Variants in UTRN observed in about 807,000 individuals in gnomAD.
The protein encoded by UTRN is dystrophin-related protein 1.
UTRN carries 283 observed loss-of-function variants against 463.9 expected under a neutral mutation model. That is an observed-to-expected ratio of 0.61 (90% confidence interval 0.55 to 0.67). The LOEUF (loss-of-function observed/expected upper bound fraction) is 0.67. UTRN is among the 30% of genes least tolerant of loss of function. The probability of loss-of-function intolerance (pLI) is 0.00; values close to 1 mark genes in which losing one functional copy is unlikely to be tolerated. For synonymous variants in UTRN, 1,442 were observed against 1,431.5 expected (o/e 1.01, Z -0.17); for missense variants, 3,922 against 4,084.3 (o/e 0.96, Z 1.08).
chr6:144,755,920 T>C (rs1356889770), intron 57 of UTRN, among the ~76,000 whole-genome samples: 1 of 152,102 alleles, frequency 6.6e-6, no homozygotes, highest in Non-Finnish European at 1.5e-5. Flanking sequence ...AGAATCTTAA[T>C]CAGTCATTTT....
At chr6:144,513,071 A>T (rs1386012038) in intron 35 of UTRN, among the ~76,000 whole-genome samples, 1 of 152,074 alleles carries the variant, frequency 6.6e-6, no homozygotes, top group African/African-American at 2.4e-5. Flanking sequence ...CTGTTTTCAA[A>T]TCTGTTCTGT....
chr6:144,345,891 G>A (rs1342201689), intron 2 of UTRN, among the ~76,000 whole-genome samples: 2 of 152,086 alleles, frequency 1.3e-5, no homozygotes, highest in African/African-American at 4.8e-5. Context: ...TAATAAGCAG[G>A]CTTTGGCCGG....
chr6:144,379,233 C>T (rs1201717834), intron 2 of UTRN, among the ~76,000 whole-genome samples: 1 of 25,968 alleles, frequency 3.9e-5, no homozygotes, highest in Admixed American at 4.0e-4. Flanking sequence ...GTCACCCCAA[C>T]ATTGGTGCTT....
At chr6:144,575,571 G>C (rs1436892630) in intron 50 of UTRN, among the ~76,000 whole-genome samples, 1 of 152,122 alleles carries the variant, frequency 6.6e-6, no homozygotes, top group African/African-American at 2.4e-5. Context: ...GAAAGAGAGA[G>C]ATCACATTGA....
chr6:144,402,909 G>A (rs1368839725), intron 2 of UTRN, among the ~76,000 whole-genome samples: 4 of 152,108 alleles, frequency 2.6e-5, no homozygotes, highest in African/African-American at 9.7e-5. Context: ...CTTGGGAAAG[G>A]TGCCCGAGCC....
chr6:144,339,652 A>C (rs575889609), intron 2 of UTRN, among the ~76,000 whole-genome samples: 53 of 152,204 alleles, frequency 3.5e-4, no homozygotes, highest in Non-Finnish European at 6.3e-4. Context: ...ATCAGGGAAC[A>C]GTATCATTCA....
intron 51 of UTRN, among the ~76,000 whole-genome samples, chr6:144,591,997 G>A (rs1194277950): frequency 2.0e-5 from 3 of 152,156 alleles, no homozygotes; most frequent in Non-Finnish European, 4.4e-5. Flanking sequence ...CTGGCATCCT[G>A]CAGGCTAGGG....
At chr6:144,544,801 G>C (rs757366240) in intron 46 of UTRN, among the ~76,000 whole-genome samples, 2 of 151,940 alleles carry the variant, frequency 1.3e-5, no homozygotes, top group African/African-American at 4.8e-5. Context: ...TCAGTGAAAG[G>C]GTTATTATCT....
chr6:144,680,498 T>C (rs1299760499), intron 52 of UTRN, among the ~76,000 whole-genome samples: 1 of 152,202 alleles, frequency 6.6e-6, no homozygotes, highest in African/African-American at 2.4e-5. Context: ...TAAATTAATG[T>C]GATAATGAAT....
At chr6:144,436,228 A>G (rs1438183298) in intron 10 of UTRN, 90 bp downstream of exon 10, 1 of 1,308,958 alleles carries the variant, frequency 7.6e-7, no homozygotes, top group African/African-American at 1.5e-5. Flanking sequence ...TTATCTACTG[A>G]ATTCTGTTCT....
intron 14 of UTRN, among the ~76,000 whole-genome samples, chr6:144,445,603 A>G (rs1787609544): frequency 6.6e-6 from 1 of 150,694 alleles, no homozygotes. Context: ...CTTATTAGGA[A>G]TCACAAAAGG....
rs150705894 is a variant in UTRN at position 144,499,789 on chromosome 6, C to T, written c.4764+362C>T. Among the ~76,000 whole-genome samples the T allele has an allele frequency of 4.1e-3, 623 of 152,094 alleles. 4 individuals are homozygous for T. Among genetic ancestry groups the T allele is most frequent in the Non-Finnish European group, 6.7e-3 (454 of 67,986 alleles). On this transcript the variant is annotated intron_variant, in intron 34 of 74. Coordinates refer to ENST00000367545, the MANE Select transcript of UTRN (RefSeq NM_007124.3). ...TCTGTTTCTCGCCCCTCTACTAGTC[C>T]CCAGTGTTTATCGTTCCCTTCTTTA... is the stretch of plus-strand genomic sequence containing the variant.
chr6:144,461,194 C>A lies in UTRN; in HGVS notation c.2708-3C>A. On this transcript the variant is annotated splice_region_variant and splice_polypyrimidine_tract_variant and intron_variant, in intron 21 of 74. Coordinates refer to ENST00000367545, the MANE Select transcript of UTRN (RefSeq NM_007124.3). ...TTCAAACTAAATATTTTTAAATAAACAGAACTGAAGGGCCAACCTGGACAT... is the reference window on the plus strand; with the variant it reads ...TTCAAACTAAATATTTTTAAATAAAAAGAACTGAAGGGCCAACCTGGACAT... 1 of 1,558,888 alleles carries A rather than the reference C, an allele frequency of 6.4e-7. No homozygotes were observed. Among genetic ancestry groups the A allele is most frequent in the South Asian group, 1.2e-5 (1 of 81,118 alleles).
chr6:144,754,848 T>G (rs768156646), intron 57 of UTRN, 50 bp downstream of exon 57: 2 of 1,543,384 alleles, frequency 1.3e-6, no homozygotes, highest in Non-Finnish European at 1.8e-6. Context: ...GAATTAGCAT[T>G]TTCTTTCACT....
chr6:144,588,181 A>G (rs1802660740), intron 51 of UTRN, among the ~76,000 whole-genome samples: 1 of 152,160 alleles, frequency 6.6e-6, no homozygotes, highest in Non-Finnish European at 1.5e-5. Flanking sequence ...CCTGCCTGCC[A>G]CTATCAGACA....
intron 26 of UTRN, among the ~76,000 whole-genome samples, chr6:144,480,913 G>A (rs1047218719): frequency 3.9e-5 from 6 of 152,102 alleles, no homozygotes; most frequent in Non-Finnish European, 8.8e-5. Flanking sequence ...AGACTTGTTG[G>A]AAGTTGTTTT....
intron 33 of UTRN, among the ~76,000 whole-genome samples, chr6:144,498,267 T>C (rs1034477537): frequency 1.3e-5 from 2 of 152,258 alleles, no homozygotes; most frequent in African/African-American, 4.8e-5. Context: ...TCTTTAAGTT[T>C]CATTTTCATT....
At chr6:144,453,413 A>G (rs1426023677) in intron 18 of UTRN, among the ~76,000 whole-genome samples, 1 of 152,158 alleles carries the variant, frequency 6.6e-6, no homozygotes, top group Non-Finnish European at 1.5e-5. Context: ...GTGAGCCACC[A>G]TGCCCAGCCT....
At chr6:144,617,016 C>T (rs1806192740) in intron 51 of UTRN, among the ~76,000 whole-genome samples, 1 of 152,086 alleles carries the variant, frequency 6.6e-6, no homozygotes, top group South Asian at 2.1e-4. Flanking sequence ...TCAATTCAAA[C>T]CCTGCATTAT....
Sources: gnomAD v4.1 joint callset for allele counts (sites outside exome capture counted in the v4.1 genomes callset) on GRCh38, gnomAD v4.1.1 for gene constraint, MANE v1.5 for transcripts, NCBI Gene and HGNC (gene_info 2026-07-23, HGNC 2026-07-21) for gene names.